SOX5: variants seen among roughly 807,000 people sequenced by gnomAD.
The protein encoded by SOX5 is transcription factor SOX-5.
Under a neutral mutation model 92.0 loss-of-function variants are expected in SOX5, and 9 were observed. That is an observed-to-expected ratio of 0.10 (90% CI 0.06 to 0.17). The LOEUF (loss-of-function observed/expected upper bound fraction) is 0.17, where lower values mean the gene tolerates loss of function less well. Ranked by LOEUF, SOX5 falls within the 10% of genes least tolerant of loss-of-function variation. SOX5 has a pLI of 1.00. For synonymous variants in SOX5, 344 were observed against 336.3 expected, an observed-to-expected ratio of 1.02 and a Z score of -0.25; for missense variants, 642 against 944.5, an observed-to-expected ratio of 0.68 and a Z score of 4.20.
chr12:23,801,095 A>C (rs1223953758), intron 3 of SOX5, among the ~76,000 whole-genome samples: 2 of 152,190 alleles, frequency 1.3e-5, no homozygotes, highest in Admixed American at 1.3e-4. Context: ...CCATACTACG[A>C]ATAGGAAGTC....
intron 4 of SOX5, among the ~76,000 whole-genome samples, chr12:24,165,177 T>C (rs1442358694): frequency 6.6e-6 from 1 of 152,108 alleles, no homozygotes; most frequent in African/African-American, 2.4e-5. Flanking sequence ...ATAATACCTA[T>C]TATTAAATGT....
chr12:24,108,281 G>A (rs1331215564), intron 4 of SOX5, among the ~76,000 whole-genome samples: 1 of 151,976 alleles, frequency 6.6e-6, no homozygotes, highest in Non-Finnish European at 1.5e-5. Flanking sequence ...ATTATTGTTT[G>A]TGGATGTTTT....
At chr12:23,895,585 G>C (rs1307163708) in intron 2 of SOX5, among the ~76,000 whole-genome samples, 1 of 152,056 alleles carries the variant, frequency 6.6e-6, no homozygotes, top group Non-Finnish European at 1.5e-5. Flanking sequence ...AATGCAAGAA[G>C]TCTTGAAAAA....
At chr12:24,390,183 T>A (rs1284656604) in intron 1 of SOX5, among the ~76,000 whole-genome samples, 1 of 152,154 alleles carries the variant, frequency 6.6e-6, no homozygotes, top group African/African-American at 2.4e-5. Flanking sequence ...CTTTAGACAT[T>A]AAATTGTCAA....
chr12:23,714,646 A>C (rs777313278), intron 6 of SOX5, among the ~76,000 whole-genome samples: 78 of 152,076 alleles, frequency 5.1e-4, no homozygotes, highest in South Asian at 1.4e-3. Context: ...AACAAAAAAA[A>C]CCCACAACAG....
chr12:23,843,383 T>C (rs2096539760), intron 3 of SOX5, among the ~76,000 whole-genome samples: 1 of 152,100 alleles, frequency 6.6e-6, no homozygotes, highest in Non-Finnish European at 1.5e-5. Context: ...CATACTAATG[T>C]AAGATGTTAA....
At chr12:24,383,229 T>C (rs555131481) in intron 1 of SOX5, among the ~76,000 whole-genome samples, 1 of 152,310 alleles carries the variant, frequency 6.6e-6, no homozygotes, top group Non-Finnish European at 1.5e-5. Context: ...AAATGAGTCT[T>C]TATTTAAAAG....
chr12:23,575,767 G>A lies in SOX5; in HGVS notation c.1236C>T (p.Pro412=). ...TCAGAGCTGGCATATGGGGAGAGGT[G>A]GGTGATGTGGGTGATTTGCCATCAG... ...KTSDGKSPTS[P]TSPHMPALRI... is the part of the protein sequence containing the mutation. Residue 412 remains proline (P), a synonymous_variant, in exon 10 of 15, where the codon CCC becomes CCT. Coordinates refer to ENST00000451604, the MANE Select transcript of SOX5 (RefSeq NM_006940.6). The A allele has an allele frequency of 6.2e-7, 1 of 1,611,580 alleles. No homozygotes were observed. Among genetic ancestry groups the A allele is most frequent in the Non-Finnish European group, 8.5e-7 (1 of 1,178,954 alleles).
intron 6 of SOX5, among the ~76,000 whole-genome samples, chr12:23,694,064 T>C (rs1339202768): frequency 6.6e-6 from 1 of 152,166 alleles, no homozygotes; most frequent in African/African-American, 2.4e-5. Context: ...AGGCTAATAG[T>C]TACTTTTTCT....
chr12:24,481,917 C>T (rs1277538596), intron 1 of SOX5, among the ~76,000 whole-genome samples: 1 of 152,190 alleles, frequency 6.6e-6, no homozygotes, highest in East Asian at 1.9e-4. Context: ...ATTCTTAAAA[C>T]ATCCTTTGAT....
intron 3 of SOX5, among the ~76,000 whole-genome samples, chr12:23,780,507 G>C (rs895545941): frequency 4.0e-5 from 6 of 151,672 alleles, no homozygotes; most frequent in African/African-American, 1.5e-4. Context: ...TACTGATTTT[G>C]AGTGTAATAA....
chr12:23,949,489 T>G (rs1289368684), intron 1 of SOX5, 75 bp downstream of exon 1: 33 of 1,573,948 alleles, frequency 2.1e-5, no homozygotes, highest in Non-Finnish European at 2.9e-5. Context: ...GGGGAGCATC[T>G]TCCAATGATT....
intron 1 of SOX5, among the ~76,000 whole-genome samples, chr12:24,431,962 A>G (rs1338984921): frequency 6.6e-6 from 1 of 151,982 alleles, no homozygotes. Flanking sequence ...TCCTAACAGG[A>G]CTTCAGGATC....
At chr12:23,949,754 C>CTCTCTG, upstream of SOX5, 2 of 794,770 alleles carry the variant, frequency 2.5e-6, no homozygotes, top group Non-Finnish European at 3.7e-6. Context: ...CTCTCTCTCC[C>CTCTCTG]TCTCTCTCTC....
intron 1 of SOX5, among the ~76,000 whole-genome samples, chr12:24,443,899 T>C (rs1172642703): frequency 1.3e-5 from 2 of 152,182 alleles, no homozygotes; most frequent in Non-Finnish European, 2.9e-5. Context: ...CAACTATGAA[T>C]AAAGGACTTG....
rs4466930 is a variant in SOX5 at position 23,976,450 on chromosome 12, A to T, written c.-1-80426T>A. 5.7e-3 allele frequency among the ~76,000 whole-genome samples: 845 copies of T among 149,474 alleles called. 33 individuals are homozygous for T. Among genetic ancestry groups the T allele is most frequent in the Admixed American group, 0.054 (793 of 14,822 alleles). On this transcript the variant is annotated intron_variant, in intron 4 of 4. Transcript: ENST00000446891. ...GAAGAGAAGGAAGGTAAACAGGATG[A>T]GGAAGAAAGGTAAAGAAGTAAAGAC...
intron 4 of SOX5, among the ~76,000 whole-genome samples, chr12:24,137,306 G>A (rs1046646010): frequency 3.3e-5 from 5 of 152,100 alleles, no homozygotes; most frequent in African/African-American, 1.2e-4. Flanking sequence ...AGGTTGGAGG[G>A]GGCTGATATC....
chr12:23,974,510 C>A (rs545594444), intron 4 of SOX5, among the ~76,000 whole-genome samples: 1 of 152,042 alleles, frequency 6.6e-6, no homozygotes, highest in Non-Finnish European at 1.5e-5. Context: ...GAAAGGATTA[C>A]GGGGAAAGGA....
In SOX5 at chr12:23,543,199, T is replaced by C; in HGVS notation, c.1771+12A>G. On this transcript the variant is annotated intron_variant, in intron 13 of 14. Transcript: ENST00000451604. Reference sequence around the variant, plus strand: ...ATTCCATACGTCACTTAGTTCTTAATGGTTTTCTTACCCAATATCTTGCTG... The same window carrying C: ...ATTCCATACGTCACTTAGTTCTTAACGGTTTTCTTACCCAATATCTTGCTG... 1 of 1,608,528 alleles carries C rather than the reference T, an allele frequency of 6.2e-7. No individual in the cohort carries two copies. Among genetic ancestry groups the C allele is most frequent in the East Asian group, 2.2e-5 (1 of 44,800 alleles).
Sources: gnomAD v4.1 joint callset for allele counts (sites outside exome capture counted in the v4.1 genomes callset) on GRCh38, gnomAD v4.1.1 for gene constraint, MANE v1.5 for transcripts, NCBI Gene and HGNC (gene_info 2026-07-23, HGNC 2026-07-21) for gene names.